The following SHFL variants were observed in gnomAD, a reference collection of about 807,000 sequenced individuals.
The protein encoded by SHFL is shiftless antiviral inhibitor of ribosomal frameshifting, also known as shiftless antiviral inhibitor of ribosomal frameshifting protein.
Under a neutral mutation model 34.7 loss-of-function variants are expected in SHFL, and 12 were observed. The observed-to-expected ratio is 0.35, with a 90% CI of 0.22 to 0.56. The LOEUF (loss-of-function observed/expected upper bound fraction) is 0.56. Among genes scored for constraint, SHFL ranks in the 20% least tolerant of loss-of-function variants. The pLI is 0.88. For missense variants in SHFL, 278 were observed against 411.1 expected, an observed-to-expected ratio of 0.68 and a Z score of 2.80; for synonymous variants, 148 against 156.0, an observed-to-expected ratio of 0.95 and a Z score of 0.38.
chr19:10,089,693 C>A lies in SHFL; in HGVS notation c.232C>A (p.Gln78Lys). 6.3e-7 allele frequency: 1 copy of A among 1,598,310 alleles called. No homozygotes were observed. Among genetic ancestry groups the A allele is most frequent in the Non-Finnish European group, 8.5e-7 (1 of 1,172,024 alleles). ...PEDMKQDRDI[Q>K]AVATSLLPLT... ...AGATATGAAGCAGGACCGGGACATT[C>A]AGGTGAGTTGGTGGCTAGGGCTTGG... Residue 78 changes from glutamine to lysine, a missense_variant and splice_region_variant, in exon 4 of 8, where the codon CAG becomes AAG. By Grantham distance (53) the Gln-to-Lys change is moderately conservative (BLOSUM62 1). Transcript: ENST00000253110.
chr19:10,086,858 G>A lies in SHFL; in HGVS notation c.22-71G>A. 6.4e-7 allele frequency: 1 copy of A among 1,568,536 alleles called. No individual in the cohort carries two copies. Among genetic ancestry groups the A allele is most frequent in the Non-Finnish European group, 8.7e-7 (1 of 1,149,962 alleles). On this transcript the variant is annotated intron_variant, in intron 1 of 7. Transcript: ENST00000253110. This position sits in a 1 kb window ranked among gnomAD's most constrained non-coding sequence, Gnocchi z 5.2. The stretch of plus-strand genomic sequence containing the variant: ...GGGTCAAGTTCGGGCCGGGAGAACG[G>A]TGCCTAGAGATGGGGGAGGGATGAT...
At chr19:10,088,540 G>C (rs956149751) in intron 3 of SHFL, among the ~76,000 whole-genome samples, 12 of 152,214 alleles carry the variant, frequency 7.9e-5, no homozygotes, top group African/African-American at 2.2e-4. Flanking sequence ...CTGCACTCCA[G>C]CCTGGGCAAC....
chr19:10,087,337 CGGGA>C, intron 3 of SHFL, 37 bp downstream of exon 3: 1 of 1,612,984 alleles, frequency 6.2e-7, no homozygotes. Flanking sequence ...GACCGGGTCA[CGGGA>C]GGGAGAGCAA....
chr19:10,090,135 G>A, intron 5 of SHFL, 88 bp downstream of exon 5: 2 of 1,419,586 alleles, frequency 1.4e-6, no homozygotes. Flanking sequence ...CTGACCTAAG[G>A]ATTTCAATCA....
At position 10,092,108 on chromosome 19, in the gene SHFL, A is replaced by G; in HGVS notation, c.682A>G (p.Ser228Gly). ...TGGGACATCCTGTGCTCACCCCAAGAGCCGGAAGCAGAACCACCTGCCCAA... is the reference window on the plus strand; with the variant it reads ...TGGGACATCCTGTGCTCACCCCAAGGGCCGGAAGCAGAACCACCTGCCCAA... ...VPGTSCAHPK[S>G]RKQNHLPKVL... Residue 228 changes from serine to glycine, a missense_variant, in exon 8 of 8, where the codon AGC (serine) becomes GGC (glycine). Ser to Gly is a moderately conservative substitution (Grantham distance 56, BLOSUM62 0). Transcript: ENST00000253110. The G allele has an allele frequency of 1.9e-6, 3 of 1,613,664 alleles. No homozygotes were observed. The highest frequency in any genetic ancestry group is 2.5e-6 in the Non-Finnish European group (3 of 1,179,778).
rs554005233 is a variant in SHFL, at chr19:10,089,600, G to A, written c.196-57G>A. 80 of 1,558,278 alleles carry A rather than the reference G, an allele frequency of 5.1e-5. No individual in the cohort carries two copies. The Admixed American group carries it at 6.9e-4, about 14-fold the overall frequency. The stretch of plus-strand genomic sequence containing the variant: ...CGGCCGGGGGCCTCCCCCAGCAAAC[G>A]GGTGGAAAGAGGCCTGAGCCCCATC... On this transcript the variant is annotated intron_variant, in intron 3 of 7. Coordinates refer to ENST00000253110, the MANE Select transcript of SHFL (RefSeq NM_018381.4).
At position 10,086,763 on chromosome 19, in the gene SHFL, CTT is replaced by C; in HGVS notation, c.22-164_22-163del. The C allele has an allele frequency of 1.1e-6, 1 of 892,276 alleles. No individual in the cohort carries two copies. Among genetic ancestry groups the C allele is most frequent in the Non-Finnish European group, 1.7e-6 (1 of 594,334 alleles). 55.3% of individuals were successfully genotyped at this position (892,276 alleles called of 1,614,324 possible). ...GCCTTCCCCCAACGCCCTGTGGGGA[CTT>C]TGGCTTTTTCCAGGAAATGCCGTAA... is the stretch of plus-strand genomic sequence containing the variant. On this transcript the variant is annotated intron_variant, in intron 1 of 7. Coordinates refer to ENST00000253110, the MANE Select transcript of SHFL (RefSeq NM_018381.4). This position sits in a 1 kb window ranked among gnomAD's most constrained non-coding sequence, Gnocchi z 5.2.
Position 10,091,625 on chromosome 19 carries a change from G to A in SHFL, c.638G>A (p.Arg213Gln), listed in dbSNP as rs374912683. 4 of 1,547,948 alleles carry A rather than the reference G, an allele frequency of 2.6e-6. No individual in the cohort carries two copies. Among genetic ancestry groups the A allele is most frequent in the Non-Finnish European group, 2.6e-6 (3 of 1,144,856 alleles). Residue 213 changes from arginine (R) to glutamine (Q), a missense_variant, in exon 7 of 8, where the codon CGG (arginine) becomes CAG (glutamine). Physicochemically the swap from Arg to Gln is conservative, Grantham distance 43. This residue lies in a region of SHFL where 243 missense variants were observed against 386.2 expected (regional missense o/e 0.63). Coordinates refer to ENST00000253110, the MANE Select transcript of SHFL (RefSeq NM_018381.4). This position sits in a 1 kb window ranked among gnomAD's most constrained non-coding sequence, Gnocchi z 8.2. ...HSCSAADCYN[R>Q]REPHVPGTSC... ...TGCTCAGCTGCCGACTGCTACAACC[G>A]GCGAGGTGAGGCTCTTCTCCCCCAA...
Position 10,092,795 on chromosome 19 carries a change from G to A in SHFL, c.*493G>A, listed in dbSNP as rs745849563. On this transcript the variant is annotated 3_prime_UTR_variant, in exon 8 of 8. Coordinates refer to ENST00000253110, the MANE Select transcript of SHFL (RefSeq NM_018381.4). ...GCACAGTTACCTGAGGGGAGAGAGA[G>A]AGTCCATGTCCTCTCACCAGAATAA... 11 of 1,580,634 alleles carry A rather than the reference G, an allele frequency of 7.0e-6. No homozygotes were observed. The highest frequency in any genetic ancestry group is 2.6e-6 in the Non-Finnish European group (3 of 1,157,212).
rs1295694455 is a variant in SHFL, at chr19:10,092,224, C to T, written c.798C>T (p.Asn266=). The T allele has an allele frequency of 1.9e-6, 3 of 1,613,402 alleles. No individual in the cohort carries two copies. The highest frequency in any genetic ancestry group is 2.5e-6 in the Non-Finnish European group (3 of 1,179,630). Residue 266 remains asparagine, a synonymous_variant, in exon 8 of 8, where the codon AAC becomes AAT. Coordinates refer to ENST00000253110, the MANE Select transcript of SHFL (RefSeq NM_018381.4). ...SQGGLLEDLD[N]LILEDLKEEE... The stretch of plus-strand genomic sequence containing the variant: ...GTGGCCTCCTGGAAGACCTGGACAA[C>T]CTCATCCTGGAGGACCTGAAGGAGG...
rs775711032 is a variant in SHFL at position 10,086,915 on chromosome 19, T to C, written c.22-14T>C. 26 of 1,612,972 alleles carry C rather than the reference T, an allele frequency of 1.6e-5. No homozygotes were observed. Among genetic ancestry groups the C allele is most frequent in the Admixed American group, 1.2e-4 (7 of 59,962 alleles). On this transcript the variant is annotated splice_polypyrimidine_tract_variant and intron_variant, in intron 1 of 7. Coordinates refer to ENST00000253110, the MANE Select transcript of SHFL (RefSeq NM_018381.4). The surrounding 1 kb of genome is among the most constrained non-coding windows in gnomAD (Gnocchi z 5.2). Reference sequence around the variant, plus strand: ...TCCCCTTCCCCCACCGGAACCCCCCTGTCTCCATCCCAGCTGGAGAAGAGC... The same window carrying C: ...TCCCCTTCCCCCACCGGAACCCCCCCGTCTCCATCCCAGCTGGAGAAGAGC...
rs2088407427 is a variant in SHFL at position 10,092,297 on chromosome 19, G to C, written c.871G>C (p.Glu291Gln). 12 of 1,574,296 alleles carry C rather than the reference G, an allele frequency of 7.6e-6. No homozygotes were observed. The highest frequency in any genetic ancestry group is 1.0e-5 in the Non-Finnish European group (12 of 1,160,348). Residue 291 changes from glutamate to glutamine, a missense_variant, in exon 8 of 8, where the codon GAG (glutamate) becomes CAG (glutamine). Around this residue, in one of 2 missense-constraint regions of SHFL, gnomAD observed 35 missense variants for 24.9 expected, o/e 1.41. Coordinates refer to ENST00000253110, the MANE Select transcript of SHFL (RefSeq NM_018381.4). ...EVEDEEGGPR[E>Q] is the part of the protein sequence containing the mutation. ...GGAGGACGAGGAGGGCGGGCCCAGGGAGTGACCCCTGCCAGGTGCAGATAC... is the reference window on the plus strand; with the variant it reads ...GGAGGACGAGGAGGGCGGGCCCAGGCAGTGACCCCTGCCAGGTGCAGATAC...
rs757717698 is a variant in SHFL at position 10,091,271 on chromosome 19, C to A, written c.406C>A (p.Arg136=). Residue 136 remains arginine (R), a synonymous_variant, in exon 6 of 8, where the codon CGG becomes AGG. Transcript: ENST00000253110. This position sits in a 1 kb window ranked among gnomAD's most constrained non-coding sequence, Gnocchi z 8.2. ...CCAGGTATCCCGGTGCCGGAAATGC[C>A]GGAAGCGCTACGAGCCAGTGCCAGC... ...RKEVSRCRKC[R]KRYEPVPADK... is the part of the protein sequence containing the mutation. The A allele has an allele frequency of 1.3e-5, 21 of 1,613,682 alleles. No homozygotes were observed. The highest frequency in any genetic ancestry group is 8.3e-5 in the Admixed American group (5 of 59,996).
chr19:10,086,360 G>T lies in SHFL; in HGVS notation c.-68G>T. The stretch of plus-strand genomic sequence containing the variant: ...CTGCGCGGCTGCTGGACCGACGGGC[G>T]CACCCAGGTAGGGGGGCGGCTGAGC... On this transcript the variant is annotated 5_prime_UTR_variant, in exon 1 of 8. Coordinates refer to ENST00000253110, the MANE Select transcript of SHFL (RefSeq NM_018381.4). The surrounding 1 kb of genome is among the most constrained non-coding windows in gnomAD (Gnocchi z 5.2). The T allele has an allele frequency of 8.0e-7, 1 of 1,251,014 alleles. No individual in the cohort carries two copies. The highest frequency in any genetic ancestry group is 3.1e-5 in the East Asian group (1 of 32,230). The allele number at this position is 1,251,014 out of a possible 1,614,324, so 77.5% of individuals were successfully genotyped here. A position where few individuals can be genotyped will look rare whatever the true frequency, so the allele number is the denominator to read the frequency against.
intron 3 of SHFL, chr19:10,089,134 A>T (rs1182393965): frequency 3.1e-6 from 2 of 653,314 alleles, no homozygotes; most frequent in Admixed American, 5.6e-5. Flanking sequence ...GGCCGAAGTC[A>T]CTTGCCAGCA....
intron 3 of SHFL, 195 bp downstream of exon 3, chr19:10,087,495 C>T: frequency 1.6e-6 from 1 of 621,602 alleles, no homozygotes; most frequent in South Asian, 1.9e-5. Context: ...AAACAGTAGG[C>T]GCTCATTATG....
intron 3 of SHFL, 137 bp downstream of exon 3, chr19:10,087,437 A>C (rs549173068): frequency 2.3e-6 from 2 of 884,328 alleles, no homozygotes; most frequent in South Asian, 3.0e-5. Flanking sequence ...CTCATCACCC[A>C]ATCTCACTTT....
chr19:10,086,879 A>G lies in SHFL; in HGVS notation c.22-50A>G. The G allele has an allele frequency of 6.2e-7, 1 of 1,600,768 alleles. No homozygotes were observed. Among genetic ancestry groups the G allele is most frequent in the Non-Finnish European group, 8.5e-7 (1 of 1,172,830 alleles). ...AACGGTGCCTAGAGATGGGGGAGGGATGATCCCGTTTCCCCTTCCCCCACC... is the reference window on the plus strand; with the variant it reads ...AACGGTGCCTAGAGATGGGGGAGGGGTGATCCCGTTTCCCCTTCCCCCACC... On this transcript the variant is annotated intron_variant, in intron 1 of 7. Transcript: ENST00000253110. This position sits in a 1 kb window ranked among gnomAD's most constrained non-coding sequence, Gnocchi z 5.2.
At chr19:10,089,796 GC>G in intron 4 of SHFL, 101 bp downstream of exon 4, 14 of 1,555,792 alleles carry the variant, frequency 9.0e-6, no homozygotes, top group Non-Finnish European at 1.1e-5. Context: ...ATTCACTGGG[GC>G]AGGAAGAGGA....
Sources: allele counts gnomAD v4.1 joint callset (sites outside exome capture counted in the v4.1 genomes callset), GRCh38; gene constraint gnomAD v4.1.1; regional missense constraint gnomAD v4.1.1; non-coding constraint Gnocchi (gnomAD v3.1); transcripts MANE v1.5; gene names NCBI Gene and HGNC (gene_info 2026-07-23, HGNC 2026-07-21).